Variants in AKAP7 observed in about 807,000 individuals in gnomAD.
The protein encoded by AKAP7 is A kinase (PRKA) anchor protein 7.
AKAP7 carries 39 observed loss-of-function variants against 39.5 expected under a neutral mutation model. The ratio of observed to expected loss-of-function variants is 0.99; its 90% CI spans 0.76 to 1.29. AKAP7 has a LOEUF of 1.29. Ranked by LOEUF, AKAP7 falls within the 50% of genes most tolerant of loss-of-function variation. The pLI, the probability that AKAP7 is intolerant of heterozygous loss-of-function variation, is 0.00. For synonymous variants in AKAP7, 140 were observed against 139.1 expected, an observed-to-expected ratio of 1.01 and a Z score of -0.05; for missense variants, 414 against 407.7, an observed-to-expected ratio of 1.02 and a Z score of -0.13.
At chr6:131,192,793 T>C (rs1439857454) in intron 5 of AKAP7, among the ~76,000 whole-genome samples, 1 of 152,164 alleles carries the variant, frequency 6.6e-6, no homozygotes, top group Admixed American at 6.5e-5. Flanking sequence ...ATTGTAGAAA[T>C]TTTTTGCTTC....
At chr6:131,152,028 T>G (rs921247505) in intron 2 of AKAP7, among the ~76,000 whole-genome samples, 4 of 152,214 alleles carry the variant, frequency 2.6e-5, no homozygotes, top group Middle Eastern at 3.2e-3. Context: ...TACATAAAAT[T>G]ACACGTGGTG....
intron 6 of AKAP7, among the ~76,000 whole-genome samples, chr6:131,204,214 C>A (rs1309516301): frequency 1.3e-5 from 2 of 151,972 alleles, no homozygotes; most frequent in African/African-American, 4.8e-5. Flanking sequence ...AAGAGAAGTT[C>A]TTTATGCATA....
chr6:131,259,301 T>C (rs1813115978), intron 7 of AKAP7, among the ~76,000 whole-genome samples: 2 of 152,168 alleles, frequency 1.3e-5, no homozygotes, highest in Admixed American at 1.3e-4. Context: ...AGGGCTATTG[T>C]AGTCAGACTT....
chr6:131,253,073 G>T, intron 7 of AKAP7: 1 of 1,613,632 alleles, frequency 6.2e-7, no homozygotes, highest in Non-Finnish European at 8.5e-7. Context: ...GTCCTACAGA[G>T]ATACAGCAAG....
intron 7 of AKAP7, among the ~76,000 whole-genome samples, chr6:131,231,361 GT>G (rs148985368): frequency 4.6e-5 from 7 of 150,552 alleles, no homozygotes; most frequent in South Asian, 2.1e-4. Context: ...AAACATTTGC[GT>G]TTTTTTTTCT....
At position 131,236,975 on chromosome 6, in the gene AKAP7, T is replaced by C. The variant is rs528280973; in HGVS notation, c.850+17167T>C. 1.2e-4 allele frequency among the ~76,000 whole-genome samples: 19 copies of C among 152,260 alleles called. No individual in the cohort carries two copies. The East Asian group carries it at 3.5e-3, about 28-fold the overall frequency. ...GGAGTGGTGAGAGAGGGCATCCCTG[T>C]CTTGTGCCAGTTTTCAAAGGGAATG... is the stretch of plus-strand genomic sequence containing the variant. On this transcript the variant is annotated intron_variant, in intron 7 of 7. Transcript: ENST00000431975.
At chr6:131,241,607 G>GAATATATACGTATATATATATA (rs1811575179) in intron 7 of AKAP7, among the ~76,000 whole-genome samples, 1 of 129,954 alleles carries the variant, frequency 7.7e-6, no homozygotes, top group Non-Finnish European at 1.7e-5. Flanking sequence ...GTGTGTGTGT[G>GAATATATACGTATATATATATA]TGTGTGTGTG....
At chr6:131,187,387 A>G (rs1260144192) in intron 5 of AKAP7, among the ~76,000 whole-genome samples, 1 of 152,024 alleles carries the variant, frequency 6.6e-6, no homozygotes, top group Non-Finnish European at 1.5e-5. Flanking sequence ...TTGTATTCCT[A>G]ATTATTTTAT....
chr6:131,221,894 G>A (rs1290986428), intron 7 of AKAP7, among the ~76,000 whole-genome samples: 1 of 152,302 alleles, frequency 6.6e-6, no homozygotes, highest in Non-Finnish European at 1.5e-5. Context: ...AAGGAGTTTA[G>A]TGTTATTTTC....
intron 6 of AKAP7, among the ~76,000 whole-genome samples, chr6:131,202,419 A>G (rs1161972001): frequency 1.3e-5 from 2 of 149,894 alleles, no homozygotes. Context: ...ACCATGGAAT[A>G]CTATGCAGCC....
chr6:131,219,857 G>C, intron 7 of AKAP7, 49 bp downstream of exon 7: 1 of 1,312,402 alleles, frequency 7.6e-7, no homozygotes, highest in Non-Finnish European at 1.0e-6. Flanking sequence ...TAATTTTTTT[G>C]GCATCACTTT....
At chr6:131,262,357 C>A (rs572307527) in intron 7 of AKAP7, among the ~76,000 whole-genome samples, 16 of 152,200 alleles carry the variant, frequency 1.1e-4, no homozygotes, top group African/African-American at 3.6e-4. Context: ...TTATCATAAA[C>A]CTGAGTAAGG....
At chr6:131,142,067 A>G (rs1210599575) in intron 1 of AKAP7, among the ~76,000 whole-genome samples, 1 of 151,994 alleles carries the variant, frequency 6.6e-6, no homozygotes, top group Non-Finnish European at 1.5e-5. Flanking sequence ...CTTTCCTTAT[A>G]ATTAAAAGGG....
At chr6:131,245,754 T>C (rs1811952239) in intron 7 of AKAP7, among the ~76,000 whole-genome samples, 1 of 152,158 alleles carries the variant, frequency 6.6e-6, no homozygotes, top group Non-Finnish European at 1.5e-5. Flanking sequence ...ATTGTCTCTT[T>C]TATAGTTAAA....
chr6:131,276,256 T>A (rs1814729384), intron 7 of AKAP7, among the ~76,000 whole-genome samples: 1 of 152,206 alleles, frequency 6.6e-6, no homozygotes. Flanking sequence ...TTATAAAATT[T>A]TCTGGTGTGT....
In AKAP7 at chr6:131,154,369, C is replaced by G. The variant is rs138948823; in HGVS notation, c.152-5690C>G. Among the ~76,000 whole-genome samples, 312 of 151,668 alleles carry G rather than the reference C, an allele frequency of 2.1e-3. 1 individual carries two copies. The highest frequency in any genetic ancestry group is 3.7e-3 in the Non-Finnish European group (250 of 67,966). Reference sequence around the variant, plus strand: ...TCACCGCAAATTGTCGTAATTAGTACAAGTGTTAACAGTTAGTACCTTTAC... The same window carrying G: ...TCACCGCAAATTGTCGTAATTAGTAGAAGTGTTAACAGTTAGTACCTTTAC... On this transcript the variant is annotated intron_variant, in intron 2 of 7. Transcript: ENST00000431975.
intron 6 of AKAP7, among the ~76,000 whole-genome samples, chr6:131,199,777 C>T (rs1383621103): frequency 2.0e-5 from 3 of 152,192 alleles, no homozygotes; most frequent in African/African-American, 7.2e-5. Context: ...GCCTTTGCCA[C>T]GATGGCTGTT....
chr6:131,168,609 A>G (rs992111697), intron 4 of AKAP7, among the ~76,000 whole-genome samples: 4 of 152,234 alleles, frequency 2.6e-5, no homozygotes, highest in Non-Finnish European at 5.9e-5. Flanking sequence ...ATTTTATTTG[A>G]GTCTAAGTAT....
intron 2 of AKAP7, among the ~76,000 whole-genome samples, chr6:131,151,191 C>T (rs1267166255): frequency 6.6e-6 from 1 of 151,390 alleles, no homozygotes; most frequent in Non-Finnish European, 1.5e-5. Context: ...TACAGGTGCC[C>T]ACCACCACAC....
Sources: allele counts gnomAD v4.1 joint callset (sites outside exome capture counted in the v4.1 genomes callset), GRCh38; gene constraint gnomAD v4.1.1; transcripts MANE v1.5; gene names NCBI Gene and HGNC (gene_info 2026-07-23, HGNC 2026-07-21).